Variants in PDE10A observed in about 807,000 individuals in gnomAD.
PDE10A encodes phosphodiesterase 10A.
A neutral mutation model predicts 97.7 loss-of-function variants in PDE10A; 39 were observed. The observed-to-expected ratio is 0.40, with a 90% CI of 0.31 to 0.52. The LOEUF (loss-of-function observed/expected upper bound fraction) is 0.52, where lower values mean the gene tolerates loss of function less well. Among genes scored for constraint, PDE10A ranks in the 20% least tolerant of loss-of-function variants. The pLI is 0.56. For synonymous variants in PDE10A, 371 were observed against 376.8 expected (o/e 0.98, Z 0.18); for missense variants, 731 against 1,047.8 (o/e 0.70, Z 4.17).
At chr6:165,843,775 A>G (rs879695286) in intron 1 of PDE10A, among the ~76,000 whole-genome samples, 2 of 152,174 alleles carry the variant, frequency 1.3e-5, no homozygotes, top group Non-Finnish European at 2.9e-5. Context: ...AAATAAACCC[A>G]TACTAGAGAG....
intron 1 of PDE10A, among the ~76,000 whole-genome samples, chr6:165,732,990 G>A (rs1297682077): frequency 1.3e-5 from 2 of 152,212 alleles, no homozygotes; most frequent in Non-Finnish European, 2.9e-5. Flanking sequence ...AGTTCTCTGG[G>A]ATGCCAGTTG....
rs575922356 is a variant in PDE10A at position 165,779,896 on chromosome 6, A to C, written c.-615+207633T>G. Among the ~76,000 whole-genome samples, 304 of 152,230 alleles carry C rather than the reference A, an allele frequency of 2.0e-3. 1 individual carries two copies. The highest frequency in any genetic ancestry group is 7.1e-3 in the African/African-American group (296 of 41,532). On this transcript the variant is annotated intron_variant, in intron 1 of 19. Transcript: ENST00000366882. Reference sequence around the variant, plus strand: ...GCAACCTTTGCTGCTCTCCCGCCCAACACTGCCAACCCACTCTTCAATTCA... The same window carrying C: ...GCAACCTTTGCTGCTCTCCCGCCCACCACTGCCAACCCACTCTTCAATTCA...
At chr6:165,684,765 C>T (rs1021571914) in intron 1 of PDE10A, among the ~76,000 whole-genome samples, 2 of 152,238 alleles carry the variant, frequency 1.3e-5, no homozygotes, top group African/African-American at 4.8e-5. Context: ...TTTAACAAAA[C>T]ATATTTTCTT....
In PDE10A at chr6:165,388,367, A is replaced by C; in HGVS notation, c.2541T>G (p.Pro847=). Residue 847 remains proline, a synonymous_variant, in exon 17 of 22, where the codon CCT becomes CCG. Transcript: ENST00000539869. The surrounding 1 kb of genome is among the most constrained non-coding windows in gnomAD (Gnocchi z 4.0). ...SNSYLQKFDH[P]LAALYSTSTM... ...TGGAAGTGGAGTAGAGAGCGGCCAG[A>C]GGGTGGTCGAACTTCTGCAGGTAGC... is the stretch of plus-strand genomic sequence containing the variant. The C allele has an allele frequency of 6.2e-7, 1 of 1,614,122 alleles. No individual in the cohort carries two copies. Among genetic ancestry groups the C allele is most frequent in the Non-Finnish European group, 8.5e-7 (1 of 1,179,988 alleles).
At chr6:165,823,347 C>A (rs1227972719) in intron 1 of PDE10A, among the ~76,000 whole-genome samples, 1 of 150,492 alleles carries the variant, frequency 6.6e-6, no homozygotes, top group Non-Finnish European at 1.5e-5. Context: ...CAGGATGATC[C>A]ATATCACTGT....
chr6:165,833,593 C>G (rs1204693759), intron 1 of PDE10A, among the ~76,000 whole-genome samples: 1 of 152,238 alleles, frequency 6.6e-6, no homozygotes, highest in African/African-American at 2.4e-5. Context: ...TGCCCCAGAG[C>G]CCATCAAGCA....
chr6:165,350,043 C>G (rs927362208), intron 18 of PDE10A, among the ~76,000 whole-genome samples: 2 of 152,232 alleles, frequency 1.3e-5, no homozygotes, highest in African/African-American at 2.4e-5. Context: ...AGCACCCACA[C>G]AGAGTTCCCA....
At chr6:165,794,108 C>T (rs1369270721) in intron 1 of PDE10A, among the ~76,000 whole-genome samples, 2 of 76,306 alleles carry the variant, frequency 2.6e-5, no homozygotes, top group Admixed American at 1.9e-4. Flanking sequence ...CATGGTTCTA[C>T]GCAGGCATAC....
In PDE10A at chr6:165,662,085, G is replaced by GGCC. The variant is rs769945069; in HGVS notation, c.724_726dup (p.Gly242dup). On this transcript the variant is annotated inframe_insertion, in exon 1 of 22. Coordinates refer to ENST00000539869, the MANE Select transcript of PDE10A (RefSeq NM_001385079.1). ...GCGCCCTGGGGACGCCGCGGAGTTTGGCCGCCGCCGCCTGGGCCGGCGCCG... is the reference window on the plus strand; with the variant it reads ...GCGCCCTGGGGACGCCGCGGAGTTTGGCCGCCGCCGCCGCCTGGGCCGGCGCCG... The GGCC allele has an allele frequency of 1.5e-4, 193 of 1,252,424 alleles. No individual in the cohort carries two copies. The highest frequency in any genetic ancestry group is 1.8e-4 in the Non-Finnish European group (182 of 986,178). The allele number at this position is 1,252,424 out of a possible 1,614,324, so 77.6% of individuals were successfully genotyped here. A position where few individuals can be genotyped will look rare whatever the true frequency, so the allele number is the denominator to read the frequency against.
chr6:165,394,150 G>T (rs753554782), intron 15 of PDE10A, among the ~76,000 whole-genome samples: 34 of 152,058 alleles, frequency 2.2e-4, no homozygotes, highest in Non-Finnish European at 4.3e-4. Context: ...CACGTGCCAT[G>T]ATGGCTTGCT....
chr6:165,880,180 A>C (rs1781438591), intron 1 of PDE10A, among the ~76,000 whole-genome samples: 1 of 151,204 alleles, frequency 6.6e-6, no homozygotes, highest in South Asian at 2.1e-4. Flanking sequence ...CCTCCTAACC[A>C]CTCTGCCAGA....
intron 1 of PDE10A, among the ~76,000 whole-genome samples, chr6:165,735,000 GGTAGGTAGGTAGA>G (rs1475778186): frequency 2.8e-4 from 40 of 145,122 alleles, no homozygotes; most frequent in African/African-American, 1.1e-3. Context: ...ATAGTAGGTA[GGTAGGTAGGTAGA>G]TAGGTAGGTA....
intron 5 of PDE10A, among the ~76,000 whole-genome samples, chr6:165,440,197 T>A (rs766389948): frequency 3.2e-4 from 48 of 152,232 alleles, no homozygotes; most frequent in Admixed American, 1.2e-3. Flanking sequence ...GATATATGGA[T>A]GACTAACTTT....
At chr6:165,958,498 C>CAAGAAAGAAAGAAAGA (rs1379022208) in intron 1 of PDE10A, among the ~76,000 whole-genome samples, 38 of 57,768 alleles carry the variant, frequency 6.6e-4, no homozygotes, top group Non-Finnish European at 6.6e-4. Context: ...GAGAGAAAGA[C>CAAGAAAGAAAGAAAGA]AAGAAAGAAA....
At chr6:165,634,198 C>T (rs1348051545) in intron 1 of PDE10A, among the ~76,000 whole-genome samples, 1 of 152,058 alleles carries the variant, frequency 6.6e-6, no homozygotes, top group South Asian at 2.1e-4. Flanking sequence ...CTCCGATCAG[C>T]GGATCTGCAG....
At chr6:165,926,001 CTG>C (rs1311901776) in intron 1 of PDE10A, among the ~76,000 whole-genome samples, 2 of 152,136 alleles carry the variant, frequency 1.3e-5, no homozygotes, top group Non-Finnish European at 2.9e-5. Flanking sequence ...ATATGAGGCT[CTG>C]TATTATTTTT....
chr6:165,634,781 G>C (rs140815659), intron 1 of PDE10A, among the ~76,000 whole-genome samples: 1 of 152,112 alleles, frequency 6.6e-6, no homozygotes, highest in African/African-American at 2.4e-5. Flanking sequence ...AAAACAGAAC[G>C]GTACTCCTGG....
At chr6:165,596,736 C>G (rs114237785) in intron 1 of PDE10A, among the ~76,000 whole-genome samples, 10 of 151,404 alleles carry the variant, frequency 6.6e-5, no homozygotes, top group African/African-American at 2.4e-4. Context: ...CACACACACA[C>G]AAAAAAAATA....
At chr6:165,660,638 G>T (rs1366086620) in intron 1 of PDE10A, 6 of 152,616 alleles carry the variant, frequency 3.9e-5, no homozygotes, top group South Asian at 2.1e-4. Flanking sequence ...GCAGGGAGGG[G>T]CTCAACCTCG....
Sources: gnomAD v4.1 joint callset for allele counts (sites outside exome capture counted in the v4.1 genomes callset) on GRCh38, gnomAD v4.1.1 for gene constraint, Gnocchi (gnomAD v3.1) non-coding constraint, MANE v1.5 for transcripts, NCBI Gene and HGNC (gene_info 2026-07-23, HGNC 2026-07-21) for gene names.